Variants in ATF7 observed in about 807,000 individuals in gnomAD.
ATF7 encodes cyclic AMP-dependent transcription factor ATF-7.
ATF7 carries 10 observed loss-of-function variants against 50.4 expected under a neutral mutation model. The ratio of observed to expected loss-of-function variants is 0.20; its 90% CI spans 0.12 to 0.34. The LOEUF (loss-of-function observed/expected upper bound fraction) is 0.34. Among genes scored for constraint, ATF7 ranks in the 10% least tolerant of loss-of-function variants. ATF7 has a pLI of 1.00. For synonymous variants in ATF7, 201 were observed against 226.4 expected (o/e 0.89, Z 1.01); for missense variants, 465 against 613.9 (o/e 0.76, Z 2.56).
intron 1 of ATF7, among the ~76,000 whole-genome samples, chr12:53,618,784 G>A (rs1944253749): frequency 6.6e-6 from 1 of 152,106 alleles, no homozygotes; most frequent in South Asian, 2.1e-4. Flanking sequence ...GGACGCGATG[G>A]TTCTTGCCTG....
At chr12:53,586,752 C>G (rs1942699012) in intron 2 of ATF7, among the ~76,000 whole-genome samples, 1 of 152,090 alleles carries the variant, frequency 6.6e-6, no homozygotes, top group Admixed American at 6.6e-5. Flanking sequence ...TTTGCATTTA[C>G]TTTTTTATAG....
chr12:53,546,153 T>C (rs952836413), intron 3 of ATF7, among the ~76,000 whole-genome samples: 3 of 151,844 alleles, frequency 2.0e-5, no homozygotes, highest in Non-Finnish European at 2.9e-5. Flanking sequence ...GATTGCACCA[T>C]TGCACTCTAG....
At chr12:53,617,235 C>G (rs1228540701) in intron 1 of ATF7, among the ~76,000 whole-genome samples, 1 of 152,130 alleles carries the variant, frequency 6.6e-6, no homozygotes, top group Non-Finnish European at 1.5e-5. Flanking sequence ...GTTGCCCAGG[C>G]TGGTCTCGAA....
chr12:53,531,355 G>T (rs1384568512), intron 9 of ATF7, among the ~76,000 whole-genome samples: 1 of 151,060 alleles, frequency 6.6e-6, no homozygotes, highest in Non-Finnish European at 1.5e-5. Flanking sequence ...CCGGGGGGCA[G>T]AGGTTGCAGT....
downstream of ATF7, among the ~76,000 whole-genome samples, chr12:53,508,800 G>C (rs900885750): frequency 6.6e-6 from 1 of 152,140 alleles, no homozygotes; most frequent in Admixed American, 6.6e-5. Flanking sequence ...CCTCTGCAGA[G>C]GAAGTGAGGA....
intron 9 of ATF7, chr12:53,525,124 C>T (rs1401112619): frequency 2.3e-5 from 4 of 175,778 alleles, no homozygotes; most frequent in South Asian, 1.4e-4. Flanking sequence ...GAGGCCGAGG[C>T]GGGCAGATCA....
chr12:53,598,833 A>G (rs1245692465), intron 2 of ATF7, among the ~76,000 whole-genome samples: 1 of 152,146 alleles, frequency 6.6e-6, no homozygotes. Flanking sequence ...TTAAGCATAT[A>G]ACATATATGA....
intron 2 of ATF7, among the ~76,000 whole-genome samples, chr12:53,578,538 C>T (rs1465391020): frequency 6.6e-6 from 1 of 151,360 alleles, no homozygotes; most frequent in Admixed American, 6.6e-5. Context: ...TCCCAACACT[C>T]TGGGAGGCTG....
intron 2 of ATF7, among the ~76,000 whole-genome samples, chr12:53,571,471 T>G (rs909132948): frequency 4.0e-5 from 6 of 151,808 alleles, no homozygotes; most frequent in Admixed American, 3.3e-4. Context: ...TCCAAGCAAT[T>G]ATACCCATAA....
In ATF7 at chr12:53,537,449, G is replaced by C. The variant is rs1264093826; in HGVS notation, c.368C>G (p.Ala123Gly). ...EVDSSPPDSP[A>G]SSPCSPPLKE... is the part of the protein sequence containing the mutation. ...CAGTGGTGGGGAACAGGGACTAGAGGCAGGGCTATCAGGTGGGGATGAGTC... is the reference window on the plus strand; with the variant it reads ...CAGTGGTGGGGAACAGGGACTAGAGCCAGGGCTATCAGGTGGGGATGAGTC... Residue 123 changes from alanine (A) to glycine (G), a missense_variant, in exon 5 of 12, where the codon GCC becomes GGC. By Grantham distance (60) the Ala-to-Gly change is moderately conservative. Coordinates refer to ENST00000420353, the MANE Select transcript of ATF7 (RefSeq NM_006856.3). 1.2e-6 allele frequency: 2 copies of C among 1,613,708 alleles called. No homozygotes were observed. Among genetic ancestry groups the C allele is most frequent in the Middle Eastern group, 1.7e-4 (1 of 6,016 alleles).
chr12:53,587,844 T>TATATATATATATATATATATATATA (rs1491300296), intron 2 of ATF7, among the ~76,000 whole-genome samples: 8 of 40,744 alleles, frequency 2.0e-4, no homozygotes, highest in Non-Finnish European at 3.5e-4. Context: ...TATATATATA[T>TATATATATATATATATATATATATA]TTTTTTTTTT....
chr12:53,623,827 G>A (rs115701696), intron 1 of ATF7, among the ~76,000 whole-genome samples: 1,980 of 152,294 alleles, frequency 0.013, 40 homozygotes, highest in African/African-American at 0.041. Flanking sequence ...TTAAGAGTTG[G>A]TTGAAAAAAC....
intron 2 of ATF7, among the ~76,000 whole-genome samples, chr12:53,572,272 T>A (rs1245518843): frequency 6.6e-6 from 1 of 152,142 alleles, no homozygotes; most frequent in Non-Finnish European, 1.5e-5. Context: ...AGAAGTGAGT[T>A]CACAGGGCAA....
At chr12:53,580,542 T>G (rs1355664119) in intron 2 of ATF7, among the ~76,000 whole-genome samples, 1 of 150,252 alleles carries the variant, frequency 6.7e-6, no homozygotes, top group Non-Finnish European at 1.5e-5. Context: ...CGGGTGCCTG[T>G]AGTCCCAGCT....
chr12:53,527,092 G>C (rs1938525253), intron 9 of ATF7, among the ~76,000 whole-genome samples: 1 of 152,008 alleles, frequency 6.6e-6, no homozygotes, highest in Admixed American at 6.6e-5. Context: ...CTGGGAGGTG[G>C]AGGTTGCAGT....
rs1455265890 is a variant in ATF7 at position 53,587,841 on chromosome 12, A to AT, written c.48+13111dup. Among the ~76,000 whole-genome samples, 123 of 46,390 alleles carry AT rather than the reference A, an allele frequency of 2.7e-3. No individual in the cohort carries two copies. In the East Asian group the frequency reaches 0.041, roughly 16 times the overall value. The allele number at this position is 46,390 out of a possible 152,430, so 30.4% of individuals were successfully genotyped here. On this transcript the variant is annotated intron_variant, in intron 2 of 11. Coordinates refer to ENST00000420353, the MANE Select transcript of ATF7 (RefSeq NM_006856.3). ...TCTACATATATATATATATATATAT[A>AT]TATTTTTTTTTTTTTTTCTTTTTGA...
intron 1 of ATF7, among the ~76,000 whole-genome samples, chr12:53,609,637 C>T (rs1654106097): frequency 7.0e-6 from 1 of 142,504 alleles, no homozygotes; most frequent in Non-Finnish European, 1.5e-5. Flanking sequence ...TAGACTGGGA[C>T]TCTTAAAAAA....
intron 2 of ATF7, among the ~76,000 whole-genome samples, chr12:53,582,136 T>C (rs1942453946): frequency 6.6e-6 from 1 of 151,744 alleles, no homozygotes; most frequent in Non-Finnish European, 1.5e-5. Context: ...GTGGCCAACA[T>C]GGTGAAACCC....
At chr12:53,620,401 C>T (rs1329377470) in intron 1 of ATF7, among the ~76,000 whole-genome samples, 5 of 151,264 alleles carry the variant, frequency 3.3e-5, no homozygotes, top group Admixed American at 6.6e-5. Flanking sequence ...ACGGTGAAAC[C>T]CCGTCTCTAC....
Sources: allele counts gnomAD v4.1 joint callset (sites outside exome capture counted in the v4.1 genomes callset), GRCh38; gene constraint gnomAD v4.1.1; transcripts MANE v1.5; gene names NCBI Gene and HGNC (gene_info 2026-07-23, HGNC 2026-07-21).